The following DMKN variants were observed in gnomAD, a reference collection of about 807,000 sequenced individuals.
DMKN encodes epidermis-specific secreted protein SK30/SK89.
Under a neutral mutation model 67.6 loss-of-function variants are expected in DMKN, and 58 were observed. The ratio of observed to expected loss-of-function variants is 0.86; its 90% CI spans 0.69 to 1.07. The LOEUF is 1.07. Ranked by LOEUF, DMKN falls within the 50% of genes least tolerant of loss-of-function variation. The pLI, the probability that DMKN is intolerant of heterozygous loss-of-function variation, is 0.00. For synonymous variants in DMKN, 240 were observed against 232.3 expected (o/e 1.03, Z -0.30); for missense variants, 596 against 601.5 (o/e 0.99, Z 0.10).
rs181908980 is a variant in DMKN at position 35,509,810 on chromosome 19, C to G, written c.1038+101G>C. ...GCCGAAATAGTCAGTTCCCTGCAGA[C>G]AAGGCAGGAGGGGGTTGAGCAGAGT... On this transcript the variant is annotated intron_variant, in intron 7 of 15. Coordinates refer to ENST00000339686, the MANE Select transcript of DMKN (RefSeq NM_033317.5). 7 of 1,391,688 alleles carry G rather than the reference C, an allele frequency of 5.0e-6. No individual in the cohort carries two copies. In the Admixed American group the frequency reaches 1.4e-4, roughly 28 times the overall value. The allele number at this position is 1,391,688 out of a possible 1,614,324, so 86.2% of individuals were successfully genotyped here.
chr19:35,504,521 T>G (rs1178229929), intron 9 of DMKN, among the ~76,000 whole-genome samples: 1 of 145,400 alleles, frequency 6.9e-6, no homozygotes, highest in African/African-American at 2.6e-5. Context: ...GAGGCTGCAT[T>G]GAGCTGAGAT....
intron 15 of DMKN, 86 bp downstream of exon 15, chr19:35,498,630 G>T (rs1347933126): frequency 1.9e-6 from 3 of 1,574,688 alleles, no homozygotes; most frequent in South Asian, 1.1e-5. Flanking sequence ...TGAGATCTGA[G>T]GATATACCAA....
chr19:35,504,034 C>T (rs374074351), intron 9 of DMKN, among the ~76,000 whole-genome samples: 1 of 152,156 alleles, frequency 6.6e-6, no homozygotes, highest in African/African-American at 2.4e-5. Context: ...AAGAATGGGG[C>T]TCCATTCTCT....
chr19:35,502,083 G>T, intron 11 of DMKN, 53 bp downstream of exon 11: 1 of 1,607,958 alleles, frequency 6.2e-7, no homozygotes, highest in Non-Finnish European at 8.5e-7. Context: ...TCAGCGGCTC[G>T]CCCAGGGCCC....
chr19:35,497,701 T>C (rs569852755), intron 15 of DMKN, 163 bp from the exon 16 acceptor site: 1 of 152,484 alleles, frequency 6.6e-6, no homozygotes, highest in African/African-American at 2.4e-5. Context: ...AGTTTGTGGT[T>C]CTGCCGAGCC....
rs2068509177 is a variant in DMKN at position 35,502,147 on chromosome 19, C to G, written c.1228G>C (p.Ala410Pro). ...CCTGCCCCCCTTACCTCAATAATTG[C>G]TTTCCAGTTGAGGAAAGGAGTGTTC... is the stretch of plus-strand genomic sequence containing the variant. ...KQNTPFLNWK[A>P]IIEGADASSL... is the part of the protein sequence containing the mutation. Residue 410 changes from alanine (A) to proline (P), a missense_variant, in exon 11 of 16, where the codon GCA becomes CCA. Coordinates refer to ENST00000339686, the MANE Select transcript of DMKN (RefSeq NM_033317.5). 2.5e-6 allele frequency: 4 copies of G among 1,614,062 alleles called. No homozygotes were observed. Among genetic ancestry groups the G allele is most frequent in the Non-Finnish European group, 3.4e-6 (4 of 1,180,044 alleles).
intron 7 of DMKN, chr19:35,507,269 G>A (rs2069743340): frequency 3.8e-6 from 2 of 528,670 alleles, no homozygotes; most frequent in South Asian, 3.0e-5. Context: ...TCAAAAGGAA[G>A]GAAGGAATGA....
Position 35,513,098 on chromosome 19 carries a change from A to G in DMKN, c.378T>C (p.Asp126=). ...CCCCCTGCCAGGAGCCGCGGACAGC[A>G]TCTGCTCCGTGTCGAATGACATCTT... ...QAEDVIRHGA[D]AVRGSWQGVP... Residue 126 remains aspartate, a synonymous_variant, in exon 1 of 16, where the codon GAT becomes GAC. Transcript: ENST00000339686. 1.2e-6 allele frequency: 2 copies of G among 1,614,112 alleles called. No individual in the cohort carries two copies.
chr19:35,503,376 G>T (rs1401714081), intron 9 of DMKN: 1 of 1,550,654 alleles, frequency 6.4e-7, no homozygotes, highest in East Asian at 2.4e-5. Flanking sequence ...TTTAAGGAGG[G>T]AGTGTGGGGG....
chr19:35,505,988 T>C lies in DMKN; in HGVS notation c.1039-2A>G, dbSNP rs1408932233. 1.2e-6 allele frequency: 2 copies of C among 1,614,054 alleles called. No homozygotes were observed. Among genetic ancestry groups the C allele is most frequent in the Non-Finnish European group, 1.7e-6 (2 of 1,180,030 alleles). ...CATCCCAGGAGACGTCTCAGAGTTC[T>C]ATGGAACCAAGGAGATATGGGATGA... On this transcript the variant is annotated splice_acceptor_variant, in intron 7 of 15. Coordinates refer to ENST00000339686, the MANE Select transcript of DMKN (RefSeq NM_033317.5). LOFTEE classifies it high-confidence loss of function.
rs780974493 is a variant in DMKN, at chr19:35,513,458, G to C, written c.18C>G (p.Pro6=). ...AGAGGGCCAGCAGGAGGCAGGCCAG[G>C]GGCCCCTGGAACTTCATCTCTGCCC... MKFQG[P]LACLLLALCL... The change falls in exon 1 of 16, where the codon CCC becomes CCG. Residue 6 remains proline, a synonymous_variant. Transcript: ENST00000339686. 1 of 1,598,708 alleles carries C rather than the reference G, an allele frequency of 6.3e-7. No individual in the cohort carries two copies. The highest frequency in any genetic ancestry group is 8.5e-7 in the Non-Finnish European group (1 of 1,179,240).
intron 12 of DMKN, chr19:35,500,302 C>G (rs907936527): frequency 6.6e-7 from 1 of 1,516,958 alleles, no homozygotes; most frequent in Admixed American, 2.0e-5. Flanking sequence ...TCAAGTGTTA[C>G]TTGGGAGGTG....
intron 15 of DMKN, chr19:35,497,786 C>T (rs73043065): frequency 2.3e-3 from 356 of 152,772 alleles, no homozygotes; most frequent in Non-Finnish European, 4.6e-3. Flanking sequence ...CTCTTTTCTC[C>T]ACAGTTCCCC....
intron 15 of DMKN, chr19:35,498,487 G>A: frequency 4.9e-6 from 3 of 608,668 alleles, no homozygotes; most frequent in Non-Finnish European, 8.5e-6. Flanking sequence ...GAGATTACAG[G>A]CATGAGCCAC....
At chr19:35,501,852 G>T in intron 11 of DMKN, 1 of 1,584,188 alleles carries the variant, frequency 6.3e-7, no homozygotes, top group Non-Finnish European at 8.6e-7. Flanking sequence ...GTCCAGGCCA[G>T]GCCCAGCAGG....
Position 35,510,222 on chromosome 19 carries a change from G to A in DMKN, c.949C>T (p.His317Tyr), listed in dbSNP as rs764146612. 1 of 1,608,646 alleles carries A rather than the reference G, an allele frequency of 6.2e-7. No individual in the cohort carries two copies. Among genetic ancestry groups the A allele is most frequent in the Non-Finnish European group, 8.5e-7 (1 of 1,177,704 alleles). ...CCATTTCCTCCGCCGCTCCCACCGT[G>A]GTTGCCGGAGGAGGAGCCGGTGCTG... ...GSSTGSSSGNHGGSGGGNGHK... is the reference protein window; with the variant it reads ...GSSTGSSSGNYGGSGGGNGHK... Residue 317 changes from histidine (H) to tyrosine (Y), a missense_variant, in exon 6 of 16, where the codon CAC becomes TAC. His to Tyr is a moderately conservative substitution (Grantham distance 83). Transcript: ENST00000339686.
In DMKN at chr19:35,512,413, C is replaced by T. The variant is rs2070999804; in HGVS notation, c.684+8G>A. 1 of 1,614,014 alleles carries T rather than the reference C, an allele frequency of 6.2e-7. No individual in the cohort carries two copies. Among genetic ancestry groups the T allele is most frequent in the Non-Finnish European group, 8.5e-7 (1 of 1,179,946 alleles). On this transcript the variant is annotated splice_region_variant and intron_variant, in intron 3 of 15. Transcript: ENST00000339686. ...CTTCTTCATTTGTTCCCAGCCCCTT[C>T]CTCTTACCCCTTCATTCTGGTTGCT...
At chr19:35,512,911 AG>A (rs2071063076) in intron 1 of DMKN, 121 bp from the exon 2 acceptor site, 9 of 1,503,582 alleles carry the variant, frequency 6.0e-6, no homozygotes, top group South Asian at 1.3e-5. Context: ...GTGGCATAGG[AG>A]GGGGGCAGAA....
rs373257587 is a variant in DMKN, at chr19:35,508,601, G to C, written c.1038+1310C>G. The C allele has an allele frequency of 1.1e-4, 20 of 176,514 alleles. No homozygotes were observed. The East Asian group carries it at 3.1e-3, about 27-fold the overall frequency. 10.9% of individuals were successfully genotyped at this position (176,514 alleles called of 1,614,324 possible). Reference sequence around the variant, plus strand: ...TGAATACATGGGAATGGGAATATCAGTGAAGTATTTTGGGGGAAAATTTTA... The same window carrying C: ...TGAATACATGGGAATGGGAATATCACTGAAGTATTTTGGGGGAAAATTTTA... On this transcript the variant is annotated intron_variant, in intron 7 of 15. Coordinates refer to ENST00000339686, the MANE Select transcript of DMKN (RefSeq NM_033317.5).
Sources: gnomAD v4.1 joint callset for allele counts (sites outside exome capture counted in the v4.1 genomes callset) on GRCh38, gnomAD v4.1.1 for gene constraint, MANE v1.5 for transcripts, NCBI Gene and HGNC (gene_info 2026-07-23, HGNC 2026-07-21) for gene names.